CACNB2: variants seen among roughly 807,000 people sequenced by gnomAD.
CACNB2 encodes the protein voltage-dependent L-type calcium channel subunit beta-2.
A neutral mutation model predicts 73.3 loss-of-function variants in CACNB2; 42 were observed. That is an observed-to-expected ratio of 0.57 (90% CI 0.45 to 0.74). CACNB2 has a LOEUF of 0.74. CACNB2 is among the 30% of genes least tolerant of loss of function. CACNB2 has a pLI of 0.00. For synonymous variants in CACNB2, 348 were observed against 310.3 expected (o/e 1.12, Z -1.28); for missense variants, 940 against 853.0 (o/e 1.10, Z -1.27).
At chr10:18,392,779 A>G (rs956678654) in intron 2 of CACNB2, among the ~76,000 whole-genome samples, 1 of 152,126 alleles carries the variant, frequency 6.6e-6, no homozygotes, top group African/African-American at 2.4e-5. Context: ...CTCCCATTTC[A>G]TTGAATTTTC....
chr10:18,253,682 G>T (rs761729325), intron 2 of CACNB2, among the ~76,000 whole-genome samples: 1 of 152,114 alleles, frequency 6.6e-6, no homozygotes, highest in South Asian at 2.1e-4. Context: ...ACATGAATAT[G>T]CCTCGCCTTT....
chr10:18,368,824 T>C (rs2042459446), intron 2 of CACNB2, among the ~76,000 whole-genome samples: 2 of 152,146 alleles, frequency 1.3e-5, no homozygotes, highest in African/African-American at 2.4e-5. Context: ...AGAAACCATA[T>C]GCTCTATAAT....
At chr10:18,511,250 C>T (rs2050763636) in intron 6 of CACNB2, among the ~76,000 whole-genome samples, 1 of 152,112 alleles carries the variant, frequency 6.6e-6, no homozygotes, top group South Asian at 2.1e-4. Flanking sequence ...GAAAATCATA[C>T]CTCCTGCATT....
chr10:18,223,854 C>T (rs77064556), intron 2 of CACNB2, among the ~76,000 whole-genome samples: 10,080 of 152,022 alleles, frequency 0.066, 565 homozygotes, highest in African/African-American at 0.15. Flanking sequence ...TGTTGCTTTT[C>T]CCCCCAATAA....
Position 18,541,479 on chromosome 10 carries a change from G to C in CACNB2, c.*1755G>C, listed in dbSNP as rs1415215979. The stretch of plus-strand genomic sequence containing the variant: ...TAACTGGATGGTAAGACAGTATTAA[G>C]AGTGCAAGTACCTGGCACTTGAAGT... On this transcript the variant is annotated 3_prime_UTR_variant, in exon 14 of 14. Transcript: ENST00000324631. 6.6e-6 allele frequency: 1 copy of C among 152,158 alleles called. No individual in the cohort carries two copies. The highest frequency in any genetic ancestry group is 1.5e-5 in the Non-Finnish European group (1 of 68,040). The allele number at this position is 152,158 out of a possible 1,614,324, so 9.4% of individuals were successfully genotyped here. A position where few individuals can be genotyped will look rare whatever the true frequency, so the allele number is the denominator to read the frequency against.
chr10:18,398,674 C>CACACACACACACACACAT (rs1318615177), intron 2 of CACNB2, among the ~76,000 whole-genome samples: 1 of 127,692 alleles, frequency 7.8e-6, no homozygotes, highest in Non-Finnish European at 1.7e-5. Context: ...CTGTCACACA[C>CACACACACACACACACAT]ACACACACAC....
intron 2 of CACNB2, among the ~76,000 whole-genome samples, chr10:18,271,678 G>A (rs955260279): frequency 6.6e-6 from 1 of 152,110 alleles, no homozygotes; most frequent in African/African-American, 2.4e-5. Context: ...GCAGCCTTTT[G>A]TGTTGTTGGT....
intron 2 of CACNB2, among the ~76,000 whole-genome samples, chr10:18,315,528 A>AAAAAAATTT (rs1306024951): frequency 1.1e-5 from 1 of 90,138 alleles, no homozygotes; most frequent in African/African-American, 4.2e-5. Flanking sequence ...AAAAAAAAAA[A>AAAAAAATTT]CTTTTTTTTT....
chr10:18,424,974 G>A (rs956275688), intron 3 of CACNB2, among the ~76,000 whole-genome samples: 2 of 152,182 alleles, frequency 1.3e-5, no homozygotes, highest in African/African-American at 2.4e-5. Flanking sequence ...TTAATTAGCA[G>A]TGGAATTGTA....
At chr10:18,446,937 T>G (rs2046763727) in intron 3 of CACNB2, among the ~76,000 whole-genome samples, 1 of 152,020 alleles carries the variant, frequency 6.6e-6, no homozygotes, top group Admixed American at 6.6e-5. Context: ...TGTGCACCTG[T>G]GGTCCTAGCT....
chr10:18,531,286 C>A (rs1564661254), intron 10 of CACNB2, among the ~76,000 whole-genome samples: 2 of 151,986 alleles, frequency 1.3e-5, no homozygotes, highest in African/African-American at 2.4e-5. Flanking sequence ...TTCCTATCAC[C>A]CAGGTATTAA....
chr10:18,510,423 G>A (rs143523813), intron 6 of CACNB2, among the ~76,000 whole-genome samples: 142 of 152,110 alleles, frequency 9.3e-4, no homozygotes, highest in African/African-American at 3.2e-3. Context: ...CCACCTCAGC[G>A]TCCCAAGTAG....
intron 9 of CACNB2, among the ~76,000 whole-genome samples, chr10:18,525,537 G>T (rs1320903342): frequency 1.3e-5 from 2 of 151,738 alleles, no homozygotes; most frequent in Non-Finnish European, 2.9e-5. Flanking sequence ...AGACCCTTTG[G>T]GACCTGTCTT....
intron 2 of CACNB2, among the ~76,000 whole-genome samples, chr10:18,229,400 C>T (rs564081201): frequency 6.6e-6 from 1 of 152,046 alleles, no homozygotes; most frequent in Non-Finnish European, 1.5e-5. Flanking sequence ...CTTATTAGAC[C>T]ACAGATATGT....
chr10:18,527,233 G>A (rs1034661273), intron 9 of CACNB2, among the ~76,000 whole-genome samples: 19 of 151,904 alleles, frequency 1.3e-4, no homozygotes, highest in Admixed American at 5.9e-4. Context: ...AAAATTAGCC[G>A]GGTGTGGTGG....
chr10:18,149,924 T>C (rs1347523499), intron 1 of CACNB2, among the ~76,000 whole-genome samples: 2 of 152,228 alleles, frequency 1.3e-5, no homozygotes, highest in East Asian at 3.8e-4. Context: ...GAGGTATTAT[T>C]TCATCTAATA....
chr10:18,420,451 G>C (rs1301976397), intron 3 of CACNB2, among the ~76,000 whole-genome samples: 8 of 152,090 alleles, frequency 5.3e-5, no homozygotes. Context: ...ACCCAGGAAG[G>C]CTGATGGTAT....
intron 2 of CACNB2, among the ~76,000 whole-genome samples, chr10:18,289,301 T>G (rs2038955226): frequency 7.0e-6 from 1 of 142,246 alleles, no homozygotes; most frequent in African/African-American, 2.7e-5. Context: ...TGTTTTGTTT[T>G]TTTTTTTTTT....
intron 2 of CACNB2, among the ~76,000 whole-genome samples, chr10:18,245,530 A>G (rs989980386): frequency 2.6e-5 from 4 of 152,082 alleles, no homozygotes; most frequent in Admixed American, 6.6e-5. Context: ...GGGTCTCACT[A>G]TGTTTCCCAC....
Sources: allele counts gnomAD v4.1 joint callset (sites outside exome capture counted in the v4.1 genomes callset), GRCh38; gene constraint gnomAD v4.1.1; transcripts MANE v1.5; gene names NCBI Gene and HGNC (gene_info 2026-07-23, HGNC 2026-07-21).